ANO1: variants seen among roughly 807,000 people sequenced by gnomAD.
ANO1 encodes anoctamin-1.
A neutral mutation model predicts 124.0 loss-of-function variants in ANO1; 59 were observed. That is an observed-to-expected ratio of 0.48 (90% CI 0.39 to 0.59). The LOEUF (loss-of-function observed/expected upper bound fraction) is 0.59. Among genes scored for constraint, ANO1 ranks in the 20% least tolerant of loss-of-function variants. The pLI, the probability that ANO1 is intolerant of heterozygous loss-of-function variation, is 0.00. For synonymous variants in ANO1, 529 were observed against 532.0 expected, an observed-to-expected ratio of 0.99 and a Z score of 0.08; for missense variants, 1,059 against 1,328.0, an observed-to-expected ratio of 0.80 and a Z score of 3.15.
intron 11 of ANO1, among the ~76,000 whole-genome samples, chr11:70,136,456 C>CG: frequency 8.4e-6 from 1 of 118,360 alleles, no homozygotes; most frequent in Non-Finnish European, 2.0e-5. Context: ...CCTCGCCTCA[C>CG]CCTGGCCTCA....
At chr11:69,973,976 G>GA in the ANO1 span, among the ~76,000 whole-genome samples, 2 of 152,048 alleles carry the variant, frequency 1.3e-5, no homozygotes, top group Non-Finnish European at 2.9e-5. Flanking sequence ...AAGTTCACAG[G>GA]AAAAAATGAG....
At chr11:70,165,963 T>C (rs1052993146) in intron 20 of ANO1, among the ~76,000 whole-genome samples, 1 of 151,722 alleles carries the variant, frequency 6.6e-6, no homozygotes. Flanking sequence ...CAAGCTGCAG[T>C]GAGCTATGAT....
Position 70,111,372 on chromosome 11 carries a change from G to A in ANO1, c.800-335G>A, listed in dbSNP as rs940736807. Among the ~76,000 whole-genome samples the A allele has an allele frequency of 2.6e-4, 40 of 152,164 alleles. 2 individuals carry two copies. The highest frequency in any genetic ancestry group is 2.4e-3 in the Admixed American group (36 of 15,276). ...TGCCCTCGGACAGGTGGGGGGAGCCGGTGAATCGGAGGCTTGGGGTGACAG... is the reference window on the plus strand; with the variant it reads ...TGCCCTCGGACAGGTGGGGGGAGCCAGTGAATCGGAGGCTTGGGGTGACAG... On this transcript the variant is annotated intron_variant, in intron 6 of 25. Transcript: ENST00000355303.
chr11:69,972,186 C>CAA, the ANO1 span, among the ~76,000 whole-genome samples: 582 of 86,384 alleles, frequency 6.7e-3, 5 homozygotes, highest in Non-Finnish European at 0.011. Context: ...GACTCCGTCT[C>CAA]AAAAAAAAAA....
chr11:70,010,523 G>A (rs1856583514), intron 1 of ANO1, among the ~76,000 whole-genome samples: 1 of 151,980 alleles, frequency 6.6e-6, no homozygotes, highest in South Asian at 2.1e-4. Context: ...ATTTAAACAT[G>A]AGGCTTGAGG....
At chr11:70,056,208 A>C (rs1046764680) in intron 1 of ANO1, 13 of 152,092 alleles carry the variant, frequency 8.5e-5, no homozygotes, top group African/African-American at 3.1e-4. Flanking sequence ...GGTCTGCTGG[A>C]AATGAATTCT....
intron 1 of ANO1, among the ~76,000 whole-genome samples, chr11:70,000,826 C>T (rs1367760496): frequency 6.6e-6 from 1 of 152,054 alleles, no homozygotes; most frequent in Non-Finnish European, 1.5e-5. Context: ...CCCTCTACAG[C>T]AACAGGAGGA....
intron 1 of ANO1, among the ~76,000 whole-genome samples, chr11:70,010,728 C>T (rs1286362543): frequency 6.6e-6 from 1 of 152,158 alleles, no homozygotes; most frequent in Non-Finnish European, 1.5e-5. Flanking sequence ...CCCCCGCTCC[C>T]ACCAGGGGTC....
chr11:69,997,309 A>G (rs1554998520), intron 1 of ANO1, among the ~76,000 whole-genome samples: 1 of 151,058 alleles, frequency 6.6e-6, no homozygotes, highest in African/African-American at 2.4e-5. Context: ...ATAAAATATT[A>G]CAGTCAGTTT....
At chr11:69,997,925 T>C (rs1856305362) in intron 1 of ANO1, among the ~76,000 whole-genome samples, 1 of 152,196 alleles carries the variant, frequency 6.6e-6, no homozygotes, top group South Asian at 2.1e-4. Flanking sequence ...TGCGGAGCCA[T>C]CAGCCAAATT....
At chr11:70,014,224 A>G (rs1014645752) in intron 1 of ANO1, among the ~76,000 whole-genome samples, 4 of 151,868 alleles carry the variant, frequency 2.6e-5, no homozygotes, top group African/African-American at 9.7e-5. Flanking sequence ...ATGTGAACTC[A>G]CTCATGTGAC....
At chr11:70,103,264 T>TAA (rs113704420) in intron 3 of ANO1, 100 bp downstream of exon 3, 14,747 of 815,964 alleles carry the variant, frequency 0.018, 529 homozygotes, top group African/African-American at 0.15. Context: ...CTGAGTTTTA[T>TAA]AAAAAAAAAA....
At chr11:70,082,020 C>A (rs1047165213) in intron 1 of ANO1, among the ~76,000 whole-genome samples, 2 of 152,250 alleles carry the variant, frequency 1.3e-5, no homozygotes, top group Non-Finnish European at 2.9e-5. Flanking sequence ...TTTATCCCCA[C>A]AAGAATCCTG....
intron 12 of ANO1, among the ~76,000 whole-genome samples, chr11:70,151,704 AC>A (rs2047608898): frequency 6.6e-6 from 1 of 151,910 alleles, no homozygotes; most frequent in South Asian, 2.1e-4. Context: ...AGCCACTCGC[AC>A]CCCCAGCGGC....
chr11:69,987,904 G>A (rs368724566), intron 1 of ANO1, among the ~76,000 whole-genome samples: 25 of 152,274 alleles, frequency 1.6e-4, no homozygotes, highest in East Asian at 9.7e-4. Context: ...GATGGATGAC[G>A]GCCACAGCCT....
At chr11:70,157,979 CAAAAAAA>C (rs548012147) in intron 16 of ANO1, among the ~76,000 whole-genome samples, 4 of 74,294 alleles carry the variant, frequency 5.4e-5, no homozygotes, top group African/African-American at 1.1e-4. Context: ...GACCCTGTCT[CAAAAAAA>C]AAAAAAAAAA....
intron 1 of ANO1, among the ~76,000 whole-genome samples, chr11:70,044,536 T>C (rs1555005373): frequency 6.6e-6 from 1 of 152,170 alleles, no homozygotes; most frequent in Non-Finnish European, 1.5e-5. Context: ...AGGAATCTAT[T>C]AGTCCAAATG....
At chr11:70,101,216 C>T (rs927847586) in intron 2 of ANO1, among the ~76,000 whole-genome samples, 4 of 151,700 alleles carry the variant, frequency 2.6e-5, no homozygotes, top group East Asian at 1.9e-4. Context: ...TCCCTGGGAC[C>T]GTCGCGTTCA....
chr11:70,030,138 G>C (rs1856975502), intron 1 of ANO1, among the ~76,000 whole-genome samples: 1 of 152,236 alleles, frequency 6.6e-6, no homozygotes, highest in African/African-American at 2.4e-5. Flanking sequence ...CCCTCTCAGG[G>C]AAGCGAAAGT....
Sources: gnomAD v4.1 joint callset for allele counts (sites outside exome capture counted in the v4.1 genomes callset) on GRCh38, gnomAD v4.1.1 for gene constraint, MANE v1.5 for transcripts, NCBI Gene and HGNC (gene_info 2026-07-23, HGNC 2026-07-21) for gene names.